Variants in NAV1 observed in about 807,000 individuals in gnomAD.
The protein encoded by NAV1 is pore membrane and/or filament interacting like protein 3.
NAV1 carries 18 observed loss-of-function variants against 175.2 expected under a neutral mutation model. The observed-to-expected ratio is 0.10, with a 90% CI of 0.07 to 0.15. The LOEUF (loss-of-function observed/expected upper bound fraction) is 0.15, where lower values mean the gene tolerates loss of function less well. Ranked by LOEUF, NAV1 falls within the 10% of genes least tolerant of loss-of-function variation. The probability of loss-of-function intolerance (pLI) is 1.00; values close to 1 mark genes in which losing one functional copy is unlikely to be tolerated. For synonymous variants in NAV1, 897 were observed against 978.7 expected, an observed-to-expected ratio of 0.92 and a Z score of 1.56; for missense variants, 1,731 against 2,436.6, an observed-to-expected ratio of 0.71 and a Z score of 6.10.
chr1:201,659,477 G>A (rs528431698), intron 1 of NAV1, among the ~76,000 whole-genome samples: 1 of 152,238 alleles, frequency 6.6e-6, no homozygotes, highest in South Asian at 2.1e-4. Flanking sequence ...AAAATTATCT[G>A]GGCATGGTGG....
intron 1 of NAV1, among the ~76,000 whole-genome samples, chr1:201,679,997 T>A (rs1670400873): frequency 1.3e-5 from 2 of 152,216 alleles, no homozygotes; most frequent in South Asian, 4.1e-4. Context: ...CTATGTATGT[T>A]AGTCTGTTCT....
chr1:201,618,253 C>G (rs657097), upstream of NAV1, among the ~76,000 whole-genome samples: 134,317 of 152,204 alleles, frequency 0.88, 59,596 homozygotes, highest in African/African-American at 0.97. Context: ...TAAACCTGCA[C>G]CCGGGCTGGA....
At chr1:201,549,103 C>CTTT (rs1024629694) in intron 1 of NAV1, among the ~76,000 whole-genome samples, 2 of 148,048 alleles carry the variant, frequency 1.4e-5, no homozygotes, top group Middle Eastern at 3.5e-3. Flanking sequence ...TTCTTTCTTT[C>CTTT]TTTCTTTCTT....
At chr1:201,571,608 G>A (rs77525026) in intron 1 of NAV1, among the ~76,000 whole-genome samples, 2,694 of 152,320 alleles carry the variant, frequency 0.018, 32 homozygotes, top group South Asian at 0.037. Flanking sequence ...GGCTATGGGT[G>A]CCCAGCAGAA....
intron 1 of NAV1, among the ~76,000 whole-genome samples, chr1:201,668,188 G>A (rs923004674): frequency 6.6e-6 from 1 of 152,140 alleles, no homozygotes; most frequent in African/African-American, 2.4e-5. Flanking sequence ...CAAAGAGCAG[G>A]CCAGCAAGGA....
At chr1:201,552,797 A>G (rs1392402786) in intron 1 of NAV1, among the ~76,000 whole-genome samples, 6 of 152,184 alleles carry the variant, frequency 3.9e-5, no homozygotes, top group African/African-American at 1.4e-4. Flanking sequence ...GAAGTCAAGG[A>G]TGCCTCATTT....
chr1:201,770,882 A>G (rs1330976008), intron 3 of NAV1, among the ~76,000 whole-genome samples: 1 of 152,280 alleles, frequency 6.6e-6, no homozygotes, highest in East Asian at 1.9e-4. Context: ...CCCCCACCCA[A>G]TGTACACAGG....
chr1:201,562,171 A>ATTTTT (rs566214709), intron 1 of NAV1, among the ~76,000 whole-genome samples: 6,607 of 127,116 alleles, frequency 0.052, 374 homozygotes, highest in African/African-American at 0.12. Flanking sequence ...TGCCTGGCTA[A>ATTTTT]TTTTTTTTTT....
At position 201,601,345 on chromosome 1, in the gene NAV1, T is replaced by G. The variant is rs998668972; in HGVS notation, c.-33+12696T>G. Among the ~76,000 whole-genome samples the G allele has an allele frequency of 1.2e-4, 19 of 152,236 alleles. 1 individual carries two copies. Among genetic ancestry groups the G allele is most frequent in the Middle Eastern group, 3.4e-3 (1 of 294 alleles). On this transcript the variant is annotated intron_variant, in intron 2 of 33. Coordinates refer to the NAV1 transcript ENST00000685211. Reference sequence around the variant, plus strand: ...ACACACACAAAAAATTAGCTGGGCTTGGTGGCATGCACCTGTAGTCCCAGT... The same window carrying G: ...ACACACACAAAAAATTAGCTGGGCTGGGTGGCATGCACCTGTAGTCCCAGT...
chr1:201,704,938 C>T (rs1317477044), intron 1 of NAV1, among the ~76,000 whole-genome samples: 1 of 152,184 alleles, frequency 6.6e-6, no homozygotes, highest in East Asian at 1.9e-4. Flanking sequence ...GTAATTCACC[C>T]TAGCTCCCAC....
chr1:201,553,396 C>T (rs1002413881), intron 1 of NAV1, among the ~76,000 whole-genome samples: 1 of 152,232 alleles, frequency 6.6e-6, no homozygotes, highest in Non-Finnish European at 1.5e-5. Flanking sequence ...GAGCTTGAGC[C>T]AGATTTCAGG....
rs1196318329 is a variant in NAV1 at position 201,607,253 on chromosome 1, C to T, written c.-32-15600C>T. Among the ~76,000 whole-genome samples the T allele has an allele frequency of 4.6e-5, 7 of 150,954 alleles. No individual in the cohort carries two copies. In the South Asian group the frequency reaches 1.5e-3, roughly 32 times the overall value. On this transcript the variant is annotated intron_variant, in intron 2 of 33. Transcript: ENST00000685211. ...GCCTTAGACTTCCAAGCAGCTGAGA[C>T]TACAGGCGTCCACCACCACACCCAG...
At chr1:201,626,391 T>C (rs1362699120) in intron 1 of NAV1, among the ~76,000 whole-genome samples, 1 of 152,160 alleles carries the variant, frequency 6.6e-6, no homozygotes, top group East Asian at 1.9e-4. Flanking sequence ...ATGCCTGACC[T>C]GCTTCTCCAG....
chr1:201,605,268 G>C (rs2102240901), intron 2 of NAV1, among the ~76,000 whole-genome samples: 1 of 150,360 alleles, frequency 6.7e-6, no homozygotes, highest in South Asian at 2.1e-4. Context: ...AGCCAATCCT[G>C]TACCTCCAGC....
intron 1 of NAV1, among the ~76,000 whole-genome samples, chr1:201,658,530 C>G (rs1207698677): frequency 2.6e-5 from 4 of 151,946 alleles, no homozygotes; most frequent in African/African-American, 9.7e-5. Context: ...AGTGATGAGT[C>G]CTGTCTGGCT....
In NAV1 at chr1:201,740,089, A is replaced by G; in HGVS notation, c.1226+21334A>G. 1 of 1,438,064 alleles carries G rather than the reference A, an allele frequency of 7.0e-7. No homozygotes were observed. The highest frequency in any genetic ancestry group is 9.1e-7 in the Non-Finnish European group (1 of 1,094,000). The allele number at this position is 1,438,064 out of a possible 1,614,324, so 89.1% of individuals were successfully genotyped here. A position where few individuals can be genotyped will look rare whatever the true frequency, so the allele number is the denominator to read the frequency against. ...ATTTCCCCCGCAGGTAAGCGCCCCC[A>G]CCCCCCTGGCCTCACCGCCAGACCG... On this transcript the variant is annotated intron_variant, in intron 3 of 29. Coordinates refer to ENST00000367296, the Ensembl canonical transcript of NAV1. This position sits in a 1 kb window ranked among gnomAD's most constrained non-coding sequence, Gnocchi z 4.7.
intron 1 of NAV1, among the ~76,000 whole-genome samples, chr1:201,546,903 C>CAAA (rs534761806): frequency 5.1e-5 from 3 of 59,010 alleles, no homozygotes; most frequent in African/African-American, 1.3e-4. Context: ...AACTCTGTCT[C>CAAA]AAAAAAAAAA....
chr1:201,556,300 C>A (rs1323749871), intron 1 of NAV1, among the ~76,000 whole-genome samples: 1 of 152,016 alleles, frequency 6.6e-6, no homozygotes, highest in Admixed American at 6.5e-5. Context: ...TGTCTGTAGT[C>A]CCAGCTACTC....
intron 1 of NAV1, 101 bp downstream of exon 5, chr1:201,649,526 C>T: frequency 1.4e-6 from 2 of 1,430,498 alleles, no homozygotes; most frequent in Non-Finnish European, 1.8e-6. Flanking sequence ...TGCGCCTTCC[C>T]GGAGGGCCCT....
Sources: allele counts gnomAD v4.1 joint callset (sites outside exome capture counted in the v4.1 genomes callset), GRCh38; gene constraint gnomAD v4.1.1; non-coding constraint Gnocchi (gnomAD v3.1); transcripts MANE v1.5; gene names NCBI Gene and HGNC (gene_info 2026-07-23, HGNC 2026-07-21).